Variants in RGS20 observed in about 807,000 individuals in gnomAD.
RGS20 encodes the protein gz-selective GTPase-activating protein.
RGS20 carries 30 observed loss-of-function variants against 33.6 expected under a neutral mutation model. The observed-to-expected ratio is 0.89, with a 90% CI of 0.67 to 1.21. RGS20 has a LOEUF of 1.21. Among genes scored for constraint, RGS20 ranks in the 50% most tolerant of loss-of-function variants. The probability of loss-of-function intolerance (pLI) is 0.00; values close to 1 mark genes in which losing one functional copy is unlikely to be tolerated. For missense variants in RGS20, 472 were observed against 502.4 expected, an observed-to-expected ratio of 0.94 and a Z score of 0.58; for synonymous variants, 208 against 197.9, an observed-to-expected ratio of 1.05 and a Z score of -0.43.
intron 5 of RGS20, among the ~76,000 whole-genome samples, chr8:53,955,980 G>A (rs1031930032): frequency 1.3e-5 from 2 of 152,092 alleles, no homozygotes; most frequent in Non-Finnish European, 2.9e-5. Context: ...CTCCTGTCAT[G>A]GAGCTCCTGG....
intron 1 of RGS20, among the ~76,000 whole-genome samples, chr8:53,855,978 T>A (rs1310167630): frequency 6.6e-6 from 1 of 152,138 alleles, no homozygotes; most frequent in Non-Finnish European, 1.5e-5. Context: ...GTGATTTGAA[T>A]CTGGATTTTC....
intron 2 of RGS20, chr8:53,879,694 G>A: frequency 1.8e-6 from 2 of 1,105,046 alleles, no homozygotes; most frequent in Non-Finnish European, 2.5e-6. Flanking sequence ...GACCCGCTCC[G>A]CTGGGGCTAG....
intron 2 of RGS20, among the ~76,000 whole-genome samples, chr8:53,885,421 G>A (rs1023359411): frequency 6.6e-6 from 1 of 152,152 alleles, no homozygotes; most frequent in Non-Finnish European, 1.5e-5. Context: ...AGACCATCCT[G>A]GCTAATGCGG....
At chr8:53,858,059 C>A (rs928647232) in intron 1 of RGS20, among the ~76,000 whole-genome samples, 3 of 152,150 alleles carry the variant, frequency 2.0e-5, no homozygotes, top group Admixed American at 6.5e-5. Context: ...AGTGTTTCAT[C>A]TTGTCATAAA....
In RGS20 at chr8:53,958,867, G is replaced by T. The variant is rs888762958; in HGVS notation, c.*409G>T. On this transcript the variant is annotated 3_prime_UTR_variant, in exon 6 of 6. Coordinates refer to ENST00000297313, the MANE Select transcript of RGS20 (RefSeq NM_170587.4). Reference sequence around the variant, plus strand: ...AAAAGACATTCAGGTGTTTCTCAACGACATCTTCTGTCCAGCAAGCTCGGT... The same window carrying T: ...AAAAGACATTCAGGTGTTTCTCAACTACATCTTCTGTCCAGCAAGCTCGGT... 1 of 152,304 alleles carries T rather than the reference G, an allele frequency of 6.6e-6. No homozygotes were observed. Among genetic ancestry groups the T allele is most frequent in the Non-Finnish European group, 1.5e-5 (1 of 68,162 alleles). 9.4% of individuals were successfully genotyped at this position (152,304 alleles called of 1,614,324 possible).
intron 2 of RGS20, among the ~76,000 whole-genome samples, chr8:53,888,578 C>T (rs1812612403): frequency 6.6e-6 from 1 of 152,104 alleles, no homozygotes; most frequent in African/African-American, 2.4e-5. Flanking sequence ...GATGCAGTAG[C>T]GCCCCTCCCT....
At chr8:53,954,053 C>G in intron 4 of RGS20, 23 bp from the exon 4 acceptor site, 1 of 1,528,052 alleles carries the variant, frequency 6.5e-7, no homozygotes, top group Non-Finnish European at 9.1e-7. Flanking sequence ...CCTTTTGCCC[C>G]CTCTCTTTTG....
rs147892226 is a variant in RGS20, at chr8:53,939,625, C to G, written c.560C>G (p.Ala187Gly). The G allele has an allele frequency of 2.5e-6, 4 of 1,606,342 alleles. No homozygotes were observed. The highest frequency in any genetic ancestry group is 1.3e-5 in the African/African-American group (1 of 74,872). Residue 187 changes from alanine to glycine, a missense_variant, in exon 3 of 6, where the codon GCC becomes GGC. Ala to Gly is a moderately conservative substitution (Grantham distance 60). Around this residue, in one of 3 missense-constraint regions of RGS20, gnomAD observed 319 missense variants for 283.4 expected, o/e 1.13. Transcript: ENST00000297313. ...ATGCGGAAGCGGCAGATGCCCGCCG[C>G]CCAGGACACACCAGGCGCCGCCCCA...
chr8:53,856,929 C>T (rs1187563094), intron 1 of RGS20, among the ~76,000 whole-genome samples: 1 of 152,006 alleles, frequency 6.6e-6, no homozygotes, highest in Non-Finnish European at 1.5e-5. Flanking sequence ...AGGGCAGCTA[C>T]AAAGACAATG....
intron 4 of RGS20, 94 bp from the exon 4 acceptor site, chr8:53,953,982 C>T (rs1460838925): frequency 3.7e-5 from 33 of 888,148 alleles, no homozygotes; most frequent in Non-Finnish European, 5.7e-5. Context: ...ATTTTTCATT[C>T]TTGGAGGAGG....
chr8:53,945,316 A>G (rs183580184), intron 3 of RGS20: 1 of 152,326 alleles, frequency 6.6e-6, no homozygotes, highest in Admixed American at 6.5e-5. Context: ...GGCATGGGCT[A>G]AGTGCAAAAA....
chr8:53,879,438 C>G lies in RGS20; in HGVS notation c.346C>G (p.Leu116Val). The G allele has an allele frequency of 6.2e-7, 1 of 1,605,512 alleles. No individual in the cohort carries two copies. ...GCTTCCCGCCCTGCCGGCCGCCCGGCTCTCGAGGGGGCACGAGGAGCTGCC... is the reference window on the plus strand; with the variant it reads ...GCTTCCCGCCCTGCCGGCCGCCCGGGTCTCGAGGGGGCACGAGGAGCTGCC... Residue 116 changes from leucine (L) to valine (V), a missense_variant, in exon 2 of 6, where the codon CTC (leucine) becomes GTC (valine). Transcript: ENST00000297313.
intron 4 of RGS20, 95 bp downstream of exon 3, chr8:53,946,843 T>C: frequency 1.0e-6 from 1 of 970,646 alleles, no homozygotes; most frequent in Non-Finnish European, 1.5e-6. Context: ...ACACATACTT[T>C]CTCTAACTGT....
intron 3 of RGS20, among the ~76,000 whole-genome samples, chr8:53,942,932 G>A (rs775404875): frequency 3.9e-5 from 6 of 152,024 alleles, no homozygotes; most frequent in Admixed American, 1.3e-4. Context: ...GGAGTTCAAG[G>A]CTGCAGTGAG....
intron 2 of RGS20, among the ~76,000 whole-genome samples, chr8:53,924,376 C>T (rs542151319): frequency 8.5e-5 from 13 of 152,064 alleles, no homozygotes; most frequent in Non-Finnish European, 1.5e-4. Context: ...TTAGTACAGA[C>T]GGGGTTTCAC....
intron 1 of RGS20, among the ~76,000 whole-genome samples, chr8:53,853,129 C>A (rs529838736): frequency 6.6e-6 from 1 of 152,132 alleles, no homozygotes; most frequent in Non-Finnish European, 1.5e-5. Context: ...TAATGGACAT[C>A]TTAATGTAGG....
rs546446929 is a variant in RGS20, at chr8:53,902,851, G to A, written c.510+23249G>A. 1.4e-4 allele frequency among the ~76,000 whole-genome samples: 22 copies of A among 151,950 alleles called. No homozygotes were observed. The South Asian group carries it at 3.5e-3, about 24-fold the overall frequency. ...AGTAATTCTCCTGCCTCAGCTTCCC[G>A]AGTAGCTGGGATTACAGGCCCTCGC... is the stretch of plus-strand genomic sequence containing the variant. On this transcript the variant is annotated intron_variant, in intron 2 of 5. Coordinates refer to ENST00000297313, the MANE Select transcript of RGS20 (RefSeq NM_170587.4).
intron 2 of RGS20, among the ~76,000 whole-genome samples, chr8:53,917,685 C>T (rs1247417484): frequency 6.6e-6 from 1 of 152,206 alleles, no homozygotes; most frequent in African/African-American, 2.4e-5. Context: ...AGGAGGATCA[C>T]TTGAGCCCAG....
intron 2 of RGS20, among the ~76,000 whole-genome samples, chr8:53,922,753 C>A (rs2129286799): frequency 6.6e-6 from 1 of 152,240 alleles, no homozygotes; most frequent in Middle Eastern, 3.4e-3. Flanking sequence ...GCTCGAACTC[C>A]TGGGCTCAAC....
Sources: gnomAD v4.1 joint callset for allele counts (sites outside exome capture counted in the v4.1 genomes callset) on GRCh38, gnomAD v4.1.1 for gene constraint, gnomAD v4.1.1 regional missense constraint, MANE v1.5 for transcripts, NCBI Gene and HGNC (gene_info 2026-07-23, HGNC 2026-07-21) for gene names.